ABCB11: variants seen among roughly 807,000 people sequenced by gnomAD.
ABCB11 encodes the protein ATP binding cassette subfamily B member 11, also known as bile salt export pump.
In ABCB11, 95 loss-of-function variants were observed where a neutral mutation model predicts 148.0. The observed-to-expected ratio is 0.64, with a 90% confidence interval of 0.54 to 0.76. ABCB11 has a LOEUF of 0.76. Ranked by LOEUF, ABCB11 falls within the 30% of genes least tolerant of loss-of-function variation. The pLI, the probability that ABCB11 is intolerant of heterozygous loss-of-function variation, is 0.00. For missense variants in ABCB11, 1,523 were observed against 1,617.8 expected (o/e 0.94, Z 1.01); for synonymous variants, 591 against 555.4 (o/e 1.06, Z -0.90).
At chr2:168,952,672 C>T (rs1692618040) in intron 19 of ABCB11, among the ~76,000 whole-genome samples, 1 of 121,456 alleles carries the variant, frequency 8.2e-6, no homozygotes, top group South Asian at 3.0e-4. Flanking sequence ...TTTCATTGCT[C>T]CTTTGTTTTT....
Position 168,922,459 on chromosome 2 carries a change from G to GTT in ABCB11, c.*1162_*1163insAA, listed in dbSNP as rs754828146. On this transcript the variant is annotated 3_prime_UTR_variant, in exon 28 of 28. Transcript: ENST00000650372. ...CCATTCTTCTGTCTTCAGTCCCTCT[G>GTT]TCCCCTTGTCTCCTCCTTCCAGAAG... is the stretch of plus-strand genomic sequence containing the variant. 2.6e-5 allele frequency among the ~76,000 whole-genome samples: 4 copies of GTT among 152,116 alleles called. No individual in the cohort carries two copies. The highest frequency in any genetic ancestry group is 2.6e-4 in the Admixed American group (4 of 15,280).
At chr2:169,012,868 A>T (rs982304254) in intron 5 of ABCB11, among the ~76,000 whole-genome samples, 2 of 152,110 alleles carry the variant, frequency 1.3e-5, no homozygotes, top group African/African-American at 4.8e-5. Context: ...GATCAAGTGG[A>T]TCACCAGCCA....
In ABCB11 at chr2:168,927,372, G is replaced by A. The variant is rs767761242; in HGVS notation, c.3412-10C>T. The A allele has an allele frequency of 9.3e-6, 15 of 1,607,342 alleles. No individual in the cohort carries two copies. Among genetic ancestry groups the A allele is most frequent in the Non-Finnish European group, 1.2e-5 (14 of 1,174,358 alleles). The stretch of plus-strand genomic sequence containing the variant: ...CATGACCATCTATCATCTGCCAATA[G>A]AGGAGATGACAGGTCATTAGGTTTT... On this transcript the variant is annotated splice_polypyrimidine_tract_variant and intron_variant, in intron 25 of 27. Transcript: ENST00000650372.
intron 10 of ABCB11, among the ~76,000 whole-genome samples, chr2:168,982,469 CT>C (rs1349106311): frequency 1.3e-5 from 2 of 152,050 alleles, no homozygotes; most frequent in African/African-American, 2.4e-5. Context: ...TTAATGAATT[CT>C]GAAACTCAGG....
chr2:168,976,769 A>G, intron 11 of ABCB11, 82 bp from the exon 12 acceptor site: 1 of 823,636 alleles, frequency 1.2e-6, no homozygotes, highest in South Asian at 1.5e-5. Context: ...TCAAATAAAC[A>G]TCTTTGGCGT....
At chr2:169,001,757 C>A (rs1343469751) in intron 5 of ABCB11, among the ~76,000 whole-genome samples, 2 of 152,102 alleles carry the variant, frequency 1.3e-5, no homozygotes, top group African/African-American at 4.8e-5. Flanking sequence ...TTTGTTGAGT[C>A]TTTTTGGTCT....
At position 169,004,875 on chromosome 2, in the gene ABCB11, G is replaced by A. The variant is rs116505837; in HGVS notation, c.390-8153C>T. Among the ~76,000 whole-genome samples, 1,172 of 152,218 alleles carry A rather than the reference G, an allele frequency of 7.7e-3. 18 individuals carry two copies. The highest frequency in any genetic ancestry group is 0.026 in the African/African-American group (1,098 of 41,524). On this transcript the variant is annotated intron_variant, in intron 5 of 27. Coordinates refer to ENST00000650372, the MANE Select transcript of ABCB11 (RefSeq NM_003742.4). ...TGTGGTGTTCTCTCCCTTCCCCTAT[G>A]AATGGGGCTTCCGGTAAGCTAAACT...
chr2:168,919,975 C>A (rs186370127), downstream of ABCB11, among the ~76,000 whole-genome samples: 4 of 152,066 alleles, frequency 2.6e-5, no homozygotes, highest in Non-Finnish European at 5.9e-5. Context: ...TGAACTCAAG[C>A]AATCACCCCA....
intron 23 of ABCB11, among the ~76,000 whole-genome samples, chr2:168,934,554 G>A (rs1395975634): frequency 6.6e-6 from 1 of 152,224 alleles, no homozygotes; most frequent in Non-Finnish European, 1.5e-5. Context: ...TATGGCCCAT[G>A]CTGTCTCTGC....
chr2:169,029,405 CATT>C (rs1199338904), intron 1 of ABCB11, among the ~76,000 whole-genome samples: 1 of 151,824 alleles, frequency 6.6e-6, no homozygotes. Flanking sequence ...AGGAAAGAAA[CATT>C]TAATATATGC....
chr2:169,026,464 A>G (rs1695698460), intron 1 of ABCB11, among the ~76,000 whole-genome samples: 1 of 152,188 alleles, frequency 6.6e-6, no homozygotes, highest in South Asian at 2.1e-4. Flanking sequence ...TGTGCTGAAA[A>G]TCTTAATTAC....
At chr2:169,015,857 C>T (rs1309765206) in intron 3 of ABCB11, among the ~76,000 whole-genome samples, 2 of 152,136 alleles carry the variant, frequency 1.3e-5, no homozygotes, top group African/African-American at 4.8e-5. Context: ...TTTTCTATAC[C>T]CGCAGCACCT....
At chr2:168,959,825 T>C (rs1325083727) in intron 18 of ABCB11, among the ~76,000 whole-genome samples, 2 of 149,876 alleles carry the variant, frequency 1.3e-5, no homozygotes, top group Non-Finnish European at 3.0e-5. Context: ...GGGGGTTGGG[T>C]TGGGGAGCCA....
At chr2:168,959,591 AT>A (rs1324949856) in intron 18 of ABCB11, among the ~76,000 whole-genome samples, 2 of 151,634 alleles carry the variant, frequency 1.3e-5, no homozygotes, top group Admixed American at 6.6e-5. Context: ...GAACAGAGGC[AT>A]TGATTACCTT....
At chr2:168,957,559 C>T (rs1221704746) in intron 19 of ABCB11, among the ~76,000 whole-genome samples, 1 of 151,692 alleles carries the variant, frequency 6.6e-6, no homozygotes, top group African/African-American at 2.4e-5. Flanking sequence ...CAAACACTAA[C>T]ACCTGCTATA....
intron 23 of ABCB11, among the ~76,000 whole-genome samples, chr2:168,932,734 G>A (rs980384209): frequency 6.6e-5 from 10 of 152,100 alleles, no homozygotes; most frequent in African/African-American, 2.4e-4. Flanking sequence ...CTATGAAAAA[G>A]GAGTAAGAAG....
At position 168,936,389 on chromosome 2, in the gene ABCB11, G is replaced by A. The variant is rs756738723; in HGVS notation, c.2655C>T (p.Asn885=). 5.8e-5 allele frequency: 93 copies of A among 1,613,904 alleles called. 1 individual carries two copies. The South Asian group carries it at 5.9e-4, about 10-fold the overall frequency. Reference sequence around the variant, plus strand: ...AGGCAATGATCATGGCCACAGTGACGTTAGTGAAGGAATTGACTATCATCC... The same window carrying A: ...AGGCAATGATCATGGCCACAGTGACATTAGTGAAGGAATTGACTATCATCC... ...QIGMIVNSFT[N]VTVAMIIAFS... Residue 885 remains asparagine (N), a synonymous_variant, in exon 22 of 28, where the codon AAC becomes AAT. Transcript: ENST00000650372.
chr2:169,004,351 A>C (rs1467779690), intron 5 of ABCB11, among the ~76,000 whole-genome samples: 1 of 152,146 alleles, frequency 6.6e-6, no homozygotes, highest in Non-Finnish European at 1.5e-5. Flanking sequence ...GACTTCTTGG[A>C]AGCTTTGTTC....
At chr2:169,012,795 G>T (rs1695228329) in intron 5 of ABCB11, among the ~76,000 whole-genome samples, 1 of 151,210 alleles carries the variant, frequency 6.6e-6, no homozygotes, top group African/African-American at 2.4e-5. Context: ...GTTGAGACTA[G>T]TGTACCTTAC....
Sources: allele counts gnomAD v4.1 joint callset (sites outside exome capture counted in the v4.1 genomes callset), GRCh38; gene constraint gnomAD v4.1.1; transcripts MANE v1.5; gene names NCBI Gene and HGNC (gene_info 2026-07-23, HGNC 2026-07-21).